The following ZNF718 variants were observed in gnomAD, a reference collection of about 807,000 sequenced individuals.
ZNF718 encodes the protein zinc finger protein 718.
ZNF718 carries 3 observed loss-of-function variants against 2.6 expected under a neutral mutation model. The ratio of observed to expected loss-of-function variants is 1.16; its 90% CI spans 0.53 to 3.01. The LOEUF is 3.01. Ranked by LOEUF, ZNF718 falls within the 30% of genes most tolerant of loss-of-function variation. The probability of loss-of-function intolerance (pLI) is 0.03; values close to 1 mark genes in which losing one functional copy is unlikely to be tolerated. For missense variants in ZNF718, 468 were observed against 230.0 expected (o/e 2.03, Z -6.69); for synonymous variants, 135 against 77.9 (o/e 1.73, Z -3.86).
At chr4:182,015 A>G (rs1480418170) in intron 3 of ZNF718, among the ~76,000 whole-genome samples, 2 of 152,130 alleles carry the variant, frequency 1.3e-5, no homozygotes, top group African/African-American at 4.8e-5. Flanking sequence ...TTATGGATGC[A>G]TAGAATTTCA....
chr4:124,631 A>G lies in ZNF718; in HGVS notation c.-40A>G. 3.7e-6 allele frequency: 6 copies of G among 1,605,588 alleles called. No individual in the cohort carries two copies. The highest frequency in any genetic ancestry group is 5.1e-6 in the Non-Finnish European group (6 of 1,179,336). Reference sequence around the variant, plus strand: ...CTCTGTGACCTGCCGGTATTGGATGATTCGTATCTAAGACTCTGGGACACT... The same window carrying G: ...CTCTGTGACCTGCCGGTATTGGATGGTTCGTATCTAAGACTCTGGGACACT... On this transcript the variant is annotated 5_prime_UTR_variant, in exon 1 of 4. Coordinates refer to ENST00000510175, the MANE Select transcript of ZNF718 (RefSeq NM_001039127.6).
chr4:148,185 A>C (rs1212255676), intron 3 of ZNF718, among the ~76,000 whole-genome samples: 1 of 152,174 alleles, frequency 6.6e-6, no homozygotes, highest in East Asian at 1.9e-4. Context: ...GGCTACTTCA[A>C]GATTCATAGT....
chr4:140,514 A>G (rs989170505), intron 3 of ZNF718, among the ~76,000 whole-genome samples: 2 of 152,114 alleles, frequency 1.3e-5, no homozygotes, highest in African/African-American at 4.8e-5. Context: ...TTAATGTGTG[A>G]TGCCCTCCTT....
intron 3 of ZNF718, among the ~76,000 whole-genome samples, chr4:174,843 C>G (rs1717316402): frequency 6.6e-6 from 1 of 152,166 alleles, no homozygotes; most frequent in East Asian, 1.9e-4. Context: ...TACACACTAC[C>G]CAGTTAGTGG....
intron 3 of ZNF718, among the ~76,000 whole-genome samples, chr4:151,021 T>C (rs782702341): frequency 2.0e-5 from 3 of 152,188 alleles, no homozygotes; most frequent in Non-Finnish European, 4.4e-5. Context: ...ATAATGGCTC[T>C]ACTAACTTAC....
intron 3 of ZNF718, among the ~76,000 whole-genome samples, chr4:193,381 T>C (rs1717729812): frequency 6.6e-6 from 1 of 152,158 alleles, no homozygotes; most frequent in Non-Finnish European, 1.5e-5. Context: ...AGGAATTCCC[T>C]TTCTCTCCAT....
chr4:137,509 A>G (rs1553809516), intron 3 of ZNF718, among the ~76,000 whole-genome samples: 2 of 152,012 alleles, frequency 1.3e-5, no homozygotes, highest in African/African-American at 2.4e-5. Context: ...CATTGTTGAC[A>G]TTTGTTATTT....
intron 3 of ZNF718, among the ~76,000 whole-genome samples, chr4:200,497 G>A (rs1553822612): frequency 6.6e-6 from 1 of 152,168 alleles, no homozygotes. Context: ...TTGAACTCAT[G>A]ACCTCATGAT....
rs369149827 is a variant in ZNF718, at chr4:161,177, A to T, written c.492A>T (p.Arg164Ser). Residue 164 changes from arginine to serine, a missense_variant, in exon 4 of 4, where the codon AGA becomes AGT. By Grantham distance (110) the Arg-to-Ser change is moderately radical. Transcript: ENST00000510175. The part of the protein sequence containing the change: ...KFSNSNKDKI[R>S]YTGDKTFKCK... ...CAAATTCAAACAAAGATAAGATAAGATATACTGGAGATAAAACCTTTAAAT... is the reference window on the plus strand; with the variant it reads ...CAAATTCAAACAAAGATAAGATAAGTTATACTGGAGATAAAACCTTTAAAT... The T allele has an allele frequency of 6.9e-5, 53 of 766,718 alleles. No homozygotes were observed. Among genetic ancestry groups the T allele is most frequent in the Non-Finnish European group, 1.3e-4 (52 of 411,574 alleles). 47.5% of individuals were successfully genotyped at this position (766,718 alleles called of 1,614,324 possible). A position where few individuals can be genotyped will look rare whatever the true frequency, so the allele number is the denominator to read the frequency against.
intron 3 of ZNF718, among the ~76,000 whole-genome samples, chr4:140,918 A>G (rs1715784505): frequency 1.3e-5 from 2 of 152,260 alleles, no homozygotes; most frequent in South Asian, 2.1e-4. Context: ...AAATGCCTTC[A>G]TAATTATCAG....
intron 3 of ZNF718, among the ~76,000 whole-genome samples, chr4:190,993 C>G (rs552088132): frequency 2.3e-4 from 35 of 151,742 alleles, no homozygotes; most frequent in Non-Finnish European, 4.3e-4. Context: ...GAGCTGAGAT[C>G]GTGCCACTGC....
chr4:196,076 A>G (rs138834987), intron 3 of ZNF718, among the ~76,000 whole-genome samples: 3 of 149,740 alleles, frequency 2.0e-5, no homozygotes, highest in East Asian at 2.0e-4. Flanking sequence ...AACTTACTCA[A>G]TTCGCCTTCA....
downstream of ZNF718, among the ~76,000 whole-genome samples, chr4:166,584 A>T (rs375302205): frequency 3.3e-4 from 50 of 152,228 alleles, no homozygotes; most frequent in East Asian, 9.5e-3. Flanking sequence ...TTTGATTTGC[A>T]TTTCTCTGAT....
chr4:171,809 C>T (rs1717240913), intron 3 of ZNF718, among the ~76,000 whole-genome samples: 1 of 152,180 alleles, frequency 6.6e-6, no homozygotes, highest in African/African-American at 2.4e-5. Flanking sequence ...GGCAATGCCT[C>T]GCCCTGCTTC....
rs782747159 is a variant in ZNF718 at position 161,938 on chromosome 4, C to T, written c.1253C>T (p.Thr418Ile). The change falls in exon 4 of 4, where the codon ACT becomes ATT. Residue 418 changes from threonine (T) to isoleucine (I), a missense_variant. Thr to Ile is a moderately conservative substitution (Grantham distance 89). Transcript: ENST00000510175. ...CTGCATAATCATAAGAAAATTCATA[C>T]TGGAGAGAAACCCTACATATGTAAA... ...ANLHNHKKIH[T>I]GEKPYICKQC... 5 of 779,842 alleles carry T rather than the reference C, an allele frequency of 6.4e-6. No homozygotes were observed. The highest frequency in any genetic ancestry group is 3.4e-5 in the Admixed American group (2 of 58,848). 48.3% of individuals were successfully genotyped at this position (779,842 alleles called of 1,614,324 possible). A position where few individuals can be genotyped will look rare whatever the true frequency, so the allele number is the denominator to read the frequency against.
intron 3 of ZNF718, among the ~76,000 whole-genome samples, chr4:188,319 G>A (rs768149706): frequency 1.6e-4 from 25 of 152,194 alleles, no homozygotes; most frequent in Non-Finnish European, 2.6e-4. Context: ...GTGCTGTGGG[G>A]TCCCTTCCTC....
At chr4:143,181 A>G (rs1268463523) in intron 3 of ZNF718, among the ~76,000 whole-genome samples, 5 of 152,114 alleles carry the variant, frequency 3.3e-5, no homozygotes, top group African/African-American at 1.2e-4. Context: ...TGAGAACCTA[A>G]CCAAAAAGGG....
rs190450009 is a variant in ZNF718, at chr4:163,431, G to T, written c.*1309G>T. 6.6e-6 allele frequency: 1 copy of T among 152,026 alleles called. No individual in the cohort carries two copies. Among genetic ancestry groups the T allele is most frequent in the African/African-American group, 2.4e-5 (1 of 41,402 alleles). 9.4% of individuals were successfully genotyped at this position (152,026 alleles called of 1,614,324 possible). A position where few individuals can be genotyped will look rare whatever the true frequency, so the allele number is the denominator to read the frequency against. Reference sequence around the variant, plus strand: ...TCTCGATCTCCTGACCTCGTGATCCGCCCGCCTCGGCCTCCCAAAGTGCTG... The same window carrying T: ...TCTCGATCTCCTGACCTCGTGATCCTCCCGCCTCGGCCTCCCAAAGTGCTG... On this transcript the variant is annotated 3_prime_UTR_variant, in exon 4 of 4. Transcript: ENST00000510175.
chr4:137,867 A>T (rs1396979315), intron 3 of ZNF718, among the ~76,000 whole-genome samples: 1 of 152,190 alleles, frequency 6.6e-6, no homozygotes, highest in African/African-American at 2.4e-5. Flanking sequence ...TTGATGCTAT[A>T]TGCAAGAAAA....
Sources: gnomAD v4.1 joint callset for allele counts (sites outside exome capture counted in the v4.1 genomes callset) on GRCh38, gnomAD v4.1.1 for gene constraint, MANE v1.5 for transcripts, NCBI Gene and HGNC (gene_info 2026-07-23, HGNC 2026-07-21) for gene names.